CAMK2A: variants seen among roughly 807,000 people sequenced by gnomAD.
CAMK2A encodes calcium/calmodulin-dependent protein kinase type II subunit alpha.
In CAMK2A, 7 loss-of-function variants were observed where a neutral mutation model predicts 79.2. That is an observed-to-expected ratio of 0.09 (90% CI 0.05 to 0.17). CAMK2A has a LOEUF of 0.17. CAMK2A is among the 10% of genes least tolerant of loss of function. The pLI is 1.00. For synonymous variants in CAMK2A, 242 were observed against 251.7 expected, an observed-to-expected ratio of 0.96 and a Z score of 0.36; for missense variants, 214 against 646.4, an observed-to-expected ratio of 0.33 and a Z score of 7.25.
At chr5:150,283,396 A>G (rs1296581812) in intron 1 of CAMK2A, among the ~76,000 whole-genome samples, 7 of 152,082 alleles carry the variant, frequency 4.6e-5, no homozygotes, top group African/African-American at 1.7e-4. Context: ...TAAGATAGAG[A>G]CAAGGTCTTG....
At position 150,279,501 on chromosome 5, in the gene CAMK2A, G is replaced by A. The variant is rs144351098; in HGVS notation, c.63-6342C>T. Among the ~76,000 whole-genome samples the A allele has an allele frequency of 1.9e-3, 294 of 152,318 alleles. 1 individual carries two copies. The highest frequency in any genetic ancestry group is 6.7e-3 in the African/African-American group (277 of 41,562). ...TAAGGTAGGCAATGAGTTTGGCAGA[G>A]TCCCTGGGGTATAGTAAATGCTCAA... On this transcript the variant is annotated intron_variant, in intron 1 of 18. Coordinates refer to ENST00000671881, the MANE Select transcript of CAMK2A (RefSeq NM_015981.4).
chr5:150,225,510 G>T (rs1346499385), intron 17 of CAMK2A, among the ~76,000 whole-genome samples: 1 of 152,162 alleles, frequency 6.6e-6, no homozygotes, highest in Non-Finnish European at 1.5e-5. Context: ...GCAGGCCAAG[G>T]GCTGCATGGC....
rs374575000 is a variant in CAMK2A, at chr5:150,222,687, C to T, written c.*23G>A. 129 of 1,613,704 alleles carry T rather than the reference C, an allele frequency of 8.0e-5. No homozygotes were observed. The Admixed American group carries it at 1.0e-3, about 13-fold the overall frequency. ...AGAGTGGATCTCTGCGGCACAGCAA[C>T]GCAGCGACCCCAGCCTGGTCCCTCA... On this transcript the variant is annotated 3_prime_UTR_variant, in exon 19 of 19. Transcript: ENST00000671881.
chr5:150,227,063 C>T (rs1483754207), intron 17 of CAMK2A, among the ~76,000 whole-genome samples: 2 of 152,018 alleles, frequency 1.3e-5, no homozygotes, highest in African/African-American at 2.4e-5. Context: ...TGAGCCACCG[C>T]GCCCGGCTAT....
Position 150,219,942 on chromosome 5 carries a change from G to T in CAMK2A, c.*2768C>A, listed in dbSNP as rs1189837347. On this transcript the variant is annotated 3_prime_UTR_variant, in exon 19 of 19. Coordinates refer to ENST00000671881, the MANE Select transcript of CAMK2A (RefSeq NM_015981.4). ...GGAGCACAGAGTTTGTCTGGTGAGG[G>T]TAGGCTCTGGGCAGATTTTTCTGTG... is the stretch of plus-strand genomic sequence containing the variant. 6.6e-6 allele frequency: 1 copy of T among 152,516 alleles called. No homozygotes were observed. Among genetic ancestry groups the T allele is most frequent in the Non-Finnish European group, 1.5e-5 (1 of 68,010 alleles). 9.4% of individuals were successfully genotyped at this position (152,516 alleles called of 1,614,324 possible).
At chr5:150,222,932 AG>A in intron 18 of CAMK2A, 56 bp downstream of exon 18, 13 of 1,543,184 alleles carry the variant, frequency 8.4e-6, no homozygotes, top group Non-Finnish European at 1.2e-5. Flanking sequence ...AACCCCCTCC[AG>A]GGCAACACTC....
chr5:150,225,273 A>C (rs570980772), intron 17 of CAMK2A, among the ~76,000 whole-genome samples: 112 of 152,258 alleles, frequency 7.4e-4, no homozygotes, highest in African/African-American at 2.6e-3. Flanking sequence ...AAGCCACCTG[A>C]CATGGTGTCT....
At chr5:150,242,635 G>T (rs1580912390) in intron 13 of CAMK2A, among the ~76,000 whole-genome samples, 1 of 152,138 alleles carries the variant, frequency 6.6e-6, no homozygotes, top group South Asian at 2.1e-4. Context: ...AAGAACTGCT[G>T]TGCTCCCCTG....
Position 150,226,809 on chromosome 5 carries a change from TG to T in CAMK2A, c.1237+1382del, listed in dbSNP as rs760261423. ...ATTTCTATAGGTTTTTTGTTTTTTG[TG>T]TTTTTTTTGTGGAGATTGAATCTTG... is the stretch of plus-strand genomic sequence containing the variant. On this transcript the variant is annotated intron_variant, in intron 17 of 18. Transcript: ENST00000671881. Among the ~76,000 whole-genome samples the T allele has an allele frequency of 2.4e-4, 34 of 144,670 alleles. No individual in the cohort carries two copies. The East Asian group carries it at 2.8e-3, about 12-fold the overall frequency. The allele number at this position is 144,670 out of a possible 152,430, so 94.9% of individuals were successfully genotyped here.
rs575105972 is a variant in CAMK2A, at chr5:150,256,026, G to A, written c.411+547C>T. On this transcript the variant is annotated intron_variant, in intron 6 of 18. Coordinates refer to ENST00000671881, the MANE Select transcript of CAMK2A (RefSeq NM_015981.4). This position sits in a 1 kb window ranked among gnomAD's most constrained non-coding sequence, Gnocchi z 4.6. Reference sequence around the variant, plus strand: ...TCCTAGACTCTGCAATCTCCTTCAGGTAAAAGAAAGGAGAACTGCACGGGC... The same window carrying A: ...TCCTAGACTCTGCAATCTCCTTCAGATAAAAGAAAGGAGAACTGCACGGGC... Among the ~76,000 whole-genome samples the A allele has an allele frequency of 6.6e-6, 1 of 152,298 alleles. No individual in the cohort carries two copies. Among genetic ancestry groups the A allele is most frequent in the African/African-American group, 2.4e-5 (1 of 41,560 alleles).
intron 1 of CAMK2A, among the ~76,000 whole-genome samples, chr5:150,280,526 G>A (rs956405978): frequency 4.0e-5 from 6 of 151,762 alleles, no homozygotes; most frequent in Admixed American, 3.3e-4. Flanking sequence ...TCCGACATCC[G>A]CCGCCTCCTC....
chr5:150,230,690 C>T (rs945906319), intron 16 of CAMK2A, among the ~76,000 whole-genome samples: 1 of 152,236 alleles, frequency 6.6e-6, no homozygotes, highest in Non-Finnish European at 1.5e-5. Flanking sequence ...TGCTCTGGCT[C>T]AGCCCATGCA....
intron 1 of CAMK2A, among the ~76,000 whole-genome samples, chr5:150,288,102 TGC>T (rs1298983295): frequency 6.6e-6 from 1 of 152,026 alleles, no homozygotes; most frequent in African/African-American, 2.4e-5. Flanking sequence ...GCCTCACACA[TGC>T]ACACACATGC....
At chr5:150,276,503 G>A (rs189937379) in intron 1 of CAMK2A, among the ~76,000 whole-genome samples, 1 of 152,298 alleles carries the variant, frequency 6.6e-6, no homozygotes, top group East Asian at 1.9e-4. Context: ...GGAAGGTGGG[G>A]GACAACTAGT....
chr5:150,221,406 T>C lies in CAMK2A; in HGVS notation c.*1304A>G. The C allele has an allele frequency of 2.5e-6, 1 of 398,472 alleles. No homozygotes were observed. The highest frequency in any genetic ancestry group is 1.3e-4 in the South Asian group (1 of 7,830). The allele number at this position is 398,472 out of a possible 1,614,324, so 24.7% of individuals were successfully genotyped here. On this transcript the variant is annotated 3_prime_UTR_variant, in exon 19 of 19. Coordinates refer to ENST00000671881, the MANE Select transcript of CAMK2A (RefSeq NM_015981.4). The stretch of plus-strand genomic sequence containing the variant: ...TCAGACGCCAAGGGGAGAGAGGCAA[T>C]GAAGACACACGCTCACGGGCCCCCC...
At chr5:150,269,203 T>C (rs569745662) in intron 2 of CAMK2A, among the ~76,000 whole-genome samples, 79 of 152,278 alleles carry the variant, frequency 5.2e-4, no homozygotes, top group African/African-American at 1.9e-3. Context: ...ATGCCCATGA[T>C]GATATCTTGG....
intron 1 of CAMK2A, among the ~76,000 whole-genome samples, chr5:150,288,511 C>G (rs1199422904): frequency 6.6e-6 from 1 of 152,160 alleles, no homozygotes; most frequent in Non-Finnish European, 1.5e-5. Flanking sequence ...CCTCAAAAGC[C>G]CTTCTACAGC....
At chr5:150,234,374 T>C (rs960770625) in intron 15 of CAMK2A, among the ~76,000 whole-genome samples, 2 of 152,220 alleles carry the variant, frequency 1.3e-5, no homozygotes, top group African/African-American at 4.8e-5. Context: ...ATTCTGGCTA[T>C]GCCACTTACT....
rs200781193 is a variant in CAMK2A, at chr5:150,224,482, C to CT, written c.1238-1266dup. Among the ~76,000 whole-genome samples the CT allele has an allele frequency of 6.6e-4, 100 of 151,516 alleles. No individual in the cohort carries two copies. In the East Asian group the frequency reaches 0.012, roughly 19 times the overall value. On this transcript the variant is annotated intron_variant, in intron 17 of 18. Transcript: ENST00000671881. ...TTATTTCCTGAAAAATGTAAAATGT[C>CT]TTTTTTTTTCAGGATTGCAGAAAAT...
Sources: allele counts gnomAD v4.1 joint callset (sites outside exome capture counted in the v4.1 genomes callset), GRCh38; gene constraint gnomAD v4.1.1; non-coding constraint Gnocchi (gnomAD v3.1); transcripts MANE v1.5; gene names NCBI Gene and HGNC (gene_info 2026-07-23, HGNC 2026-07-21).